The following ART3 variants were observed in gnomAD, a reference collection of about 807,000 sequenced individuals.
ART3 encodes the protein ecto-ADP-ribosyltransferase 3.
In ART3, 49 loss-of-function variants were observed where a neutral mutation model predicts 48.5. The observed-to-expected ratio is 1.01, with a 90% CI of 0.80 to 1.28. The LOEUF is 1.28. ART3 is among the 50% of genes most tolerant of loss of function. The probability of loss-of-function intolerance (pLI) is 0.00; values close to 1 mark genes in which losing one functional copy is unlikely to be tolerated. For synonymous variants in ART3, 145 were observed against 157.2 expected (o/e 0.92, Z 0.58); for missense variants, 438 against 454.3 (o/e 0.96, Z 0.33).
intron 1 of ART3, among the ~76,000 whole-genome samples, chr4:76,020,096 C>G (rs1386194162): frequency 1.3e-5 from 2 of 150,022 alleles, no homozygotes; most frequent in East Asian, 3.9e-4. Flanking sequence ...CTGTGAAATT[C>G]TTACTCACTT....
chr4:76,049,528 G>A (rs1735831347), intron 1 of ART3, among the ~76,000 whole-genome samples: 1 of 151,970 alleles, frequency 6.6e-6, no homozygotes, highest in African/African-American at 2.4e-5. Context: ...CAACTCCAAA[G>A]AGTCAGGGGT....
rs373509112 is a variant in ART3 at position 76,079,916 on chromosome 4, T to TCACACA, written c.70-1907_70-1906insACACAC. Among the ~76,000 whole-genome samples, 993 of 148,174 alleles carry TCACACA rather than the reference T, an allele frequency of 6.7e-3. 19 individuals carry two copies. The highest frequency in any genetic ancestry group is 0.021 in the African/African-American group (841 of 40,288). The stretch of plus-strand genomic sequence containing the variant: ...CTCTCTCTTTCACTCTCTCTCTCTC[T>TCACACA]CTCACACACACACACAGAGAGAGAG... On this transcript the variant is annotated intron_variant, in intron 2 of 11. Coordinates refer to ENST00000355810, the MANE Select transcript of ART3 (RefSeq NM_001130016.3).
chr4:76,100,385 C>A, intron 6 of ART3, 65 bp downstream of exon 6: 2 of 1,518,026 alleles, frequency 1.3e-6, no homozygotes, highest in Non-Finnish European at 1.8e-6. Flanking sequence ...GTAATCCCAG[C>A]ACTTTGGGAG....
chr4:76,029,412 C>T (rs930916384), intron 1 of ART3, among the ~76,000 whole-genome samples: 1 of 152,122 alleles, frequency 6.6e-6, no homozygotes, highest in African/African-American at 2.4e-5. Flanking sequence ...ATTTTTAGGA[C>T]GTATTCTTCT....
upstream of ART3, among the ~76,000 whole-genome samples, chr4:76,071,097 C>T (rs2149503938): frequency 6.6e-6 from 1 of 152,106 alleles, no homozygotes; most frequent in East Asian, 1.9e-4. Flanking sequence ...TGCCTATAAT[C>T]TCAGCACTTT....
chr4:76,020,230 G>A (rs1732669527), intron 1 of ART3, among the ~76,000 whole-genome samples: 1 of 151,642 alleles, frequency 6.6e-6, no homozygotes, highest in South Asian at 2.1e-4. Flanking sequence ...GGGCTCAGGT[G>A]ATCCTCCTGC....
At chr4:76,088,363 C>T (rs1724075537) in intron 3 of ART3, among the ~76,000 whole-genome samples, 1 of 151,626 alleles carries the variant, frequency 6.6e-6, no homozygotes, top group Admixed American at 6.6e-5. Context: ...AGTAAGAGGG[C>T]CAGGGAATAT....
At chr4:76,043,055 A>G in intron 1 of ART3, among the ~76,000 whole-genome samples, 1 of 151,826 alleles carries the variant, frequency 6.6e-6, no homozygotes, top group Non-Finnish European at 1.5e-5. Flanking sequence ...CAGAATAGCT[A>G]GATACAGAGT....
intron 1 of ART3, among the ~76,000 whole-genome samples, chr4:76,050,561 T>C (rs13138901): frequency 0.59 from 89,238 of 152,072 alleles, 27,030 homozygotes; most frequent in East Asian, 0.94. Context: ...TTCTCCATGT[T>C]CCCACCAGAC....
At chr4:76,043,389 AG>A (rs1210760796) in intron 1 of ART3, among the ~76,000 whole-genome samples, 16 of 151,776 alleles carry the variant, frequency 1.1e-4, no homozygotes, top group Non-Finnish European at 2.4e-4. Context: ...GAGCCCATGG[AG>A]GGGGTGGGAG....
At chr4:76,061,968 G>T (rs968532892) in intron 1 of ART3, among the ~76,000 whole-genome samples, 13 of 152,332 alleles carry the variant, frequency 8.5e-5, no homozygotes, top group Non-Finnish European at 1.6e-4. Context: ...ATTTTAGATG[G>T]CAATGTTTCT....
At chr4:76,036,488 T>G (rs1369955637) in intron 1 of ART3, among the ~76,000 whole-genome samples, 3 of 152,142 alleles carry the variant, frequency 2.0e-5, no homozygotes, top group Non-Finnish European at 4.4e-5. Flanking sequence ...GTCCAAACTC[T>G]TATAATAGAT....
chr4:76,096,092 T>G (rs1267800315), intron 3 of ART3, among the ~76,000 whole-genome samples: 1 of 152,104 alleles, frequency 6.6e-6, no homozygotes, highest in African/African-American at 2.4e-5. Flanking sequence ...TGGACTAATT[T>G]TTGTATTTTT....
At chr4:76,065,619 A>G (rs1179586004) in intron 1 of ART3, among the ~76,000 whole-genome samples, 1 of 151,470 alleles carries the variant, frequency 6.6e-6, no homozygotes, top group Admixed American at 6.6e-5. Flanking sequence ...GTCCTTGATA[A>G]GAATGTGTCT....
rs143352594 is a variant in ART3 at position 76,086,353 on chromosome 4, G to A, written c.781+3818G>A. On this transcript the variant is annotated intron_variant, in intron 3 of 11. Transcript: ENST00000355810. ...ACATGGATGGACCTGGAGGACATTA[G>A]GCTAAGTGAAATAAGCCAGACACAG... is the stretch of plus-strand genomic sequence containing the variant. 3.9e-4 allele frequency among the ~76,000 whole-genome samples: 59 copies of A among 152,212 alleles called. No individual in the cohort carries two copies. The East Asian group carries it at 0.01, about 27-fold the overall frequency.
intron 11 of ART3, 30 bp from the exon 12 acceptor site, chr4:76,112,354 ATG>A (rs1729657079): frequency 5.7e-6 from 9 of 1,579,192 alleles, no homozygotes; most frequent in African/African-American, 1.4e-5. Flanking sequence ...ATAAAAAATG[ATG>A]TGTCAGTGAC....
At chr4:76,080,336 C>A (rs1005261264) in intron 2 of ART3, among the ~76,000 whole-genome samples, 7 of 152,018 alleles carry the variant, frequency 4.6e-5, no homozygotes, top group Non-Finnish European at 1.0e-4. Context: ...TACAAAAAAA[C>A]CACATCACAC....
chr4:76,026,485 A>C (rs1008336741), intron 1 of ART3, among the ~76,000 whole-genome samples: 1 of 152,238 alleles, frequency 6.6e-6, no homozygotes, highest in East Asian at 1.9e-4. Flanking sequence ...TTTGTTCATC[A>C]GATTTCTGAA....
intron 1 of ART3, chr4:76,034,986 T>G: frequency 6.6e-7 from 1 of 1,507,798 alleles, no homozygotes; most frequent in Admixed American, 1.7e-5. Context: ...ATTATTTTCT[T>G]TTTCAAAAGA....
Sources: allele counts gnomAD v4.1 joint callset (sites outside exome capture counted in the v4.1 genomes callset), GRCh38; gene constraint gnomAD v4.1.1; transcripts MANE v1.5; gene names NCBI Gene and HGNC (gene_info 2026-07-23, HGNC 2026-07-21).